CDH3: variants seen among roughly 807,000 people sequenced by gnomAD.
The protein encoded by CDH3 is cadherin 3.
CDH3 carries 54 observed loss-of-function variants against 82.0 expected under a neutral mutation model. That is an observed-to-expected ratio of 0.66 (90% CI 0.53 to 0.83). The LOEUF is 0.83. Among genes scored for constraint, CDH3 ranks in the 40% least tolerant of loss-of-function variants. The pLI is 0.00. For synonymous variants in CDH3, 446 were observed against 437.9 expected (o/e 1.02, Z -0.23); for missense variants, 1,054 against 1,084.6 (o/e 0.97, Z 0.40).
At chr16:68,731,035 AAAAAAAAAAAAAATATATATATATATAT>A (rs1298776042), downstream of CDH3, among the ~76,000 whole-genome samples, 1 of 30,980 alleles carries the variant, frequency 3.2e-5, no homozygotes, top group Non-Finnish European at 9.3e-5. Flanking sequence ...AAAAAAAAAA[AAAAAAAAAAAAAATATATATATATATAT>A]ATATATATAT....
Position 68,699,323 on chromosome 16 carries a change from A to C in CDH3, c.*923A>C, listed in dbSNP as rs890771241. 1 of 151,886 alleles carries C rather than the reference A, an allele frequency of 6.6e-6. No homozygotes were observed. The highest frequency in any genetic ancestry group is 1.5e-5 in the Non-Finnish European group (1 of 68,062). 9.4% of individuals were successfully genotyped at this position (151,886 alleles called of 1,614,324 possible). ...CATGAGAGAGAACCATTAACCTCTT[A>C]CCCCAAGGCTGAGCCCCTCCACAGC... On this transcript the variant is annotated 3_prime_UTR_variant, in exon 16 of 16. Transcript: ENST00000264012.
At chr16:68,728,360 T>A (rs571848725), downstream of CDH3, among the ~76,000 whole-genome samples, 236 of 152,064 alleles carry the variant, frequency 1.6e-3, no homozygotes, top group Non-Finnish European at 3.0e-3. Context: ...AGAGAAGGGG[T>A]TTCACCGTGT....
In CDH3 at chr16:68,723,717, G is replaced by A. The variant is rs796236134; in HGVS notation, c.*45+1101G>A. On this transcript the variant is annotated intron_variant, in intron 2 of 2. Coordinates refer to the CDH3 transcript ENST00000569080. ...AGGCCAAGGTGGGTGGATCACTTGA[G>A]TTTGAGACCAGCCTGGCCAACATAG... 8.1e-4 allele frequency among the ~76,000 whole-genome samples: 122 copies of A among 151,552 alleles called. 1 individual carries two copies. Among genetic ancestry groups the A allele is most frequent in the African/African-American group, 2.7e-3 (111 of 41,290 alleles).
At chr16:68,720,698 A>T in intron 1 of CDH3, among the ~76,000 whole-genome samples, 1 of 150,360 alleles carries the variant, frequency 6.7e-6, no homozygotes, top group Non-Finnish European at 1.5e-5. Context: ...TCACTGCAAC[A>T]TCTGCCTCCC....
chr16:68,681,271 G>A (rs1961222329), intron 8 of CDH3, among the ~76,000 whole-genome samples, 175 bp downstream of exon 8: 1 of 152,190 alleles, frequency 6.6e-6, no homozygotes, highest in Non-Finnish European at 1.5e-5. Flanking sequence ...TCTGTGAAAA[G>A]GAGATAATGA....
intron 2 of CDH3, among the ~76,000 whole-genome samples, chr16:68,659,619 G>C (rs1960504810): frequency 6.6e-6 from 1 of 151,096 alleles, no homozygotes; most frequent in South Asian, 2.1e-4. Context: ...GGGAGGCAGA[G>C]GTTGCAGTGA....
chr16:68,646,748 C>G (rs2862778), intron 2 of CDH3, among the ~76,000 whole-genome samples: 70,132 of 151,804 alleles, frequency 0.46, 17,923 homozygotes, highest in East Asian at 0.77. Flanking sequence ...TTTTTGGGAA[C>G]TTGAGTATTC....
At chr16:68,648,802 T>C (rs57419252) in intron 2 of CDH3, among the ~76,000 whole-genome samples, 5,398 of 151,784 alleles carry the variant, frequency 0.036, 307 homozygotes, top group African/African-American at 0.12. Flanking sequence ...GGGTAGAATG[T>C]TGGATCCCTG....
At chr16:68,695,423 C>G (rs752528545) in intron 14 of CDH3, 38 bp downstream of exon 14, 1 of 1,578,638 alleles carries the variant, frequency 6.3e-7, no homozygotes, top group South Asian at 1.1e-5. Context: ...GAGGTGGATG[C>G]CCCTAAGGCC....
chr16:68,692,059 C>G, intron 13 of CDH3, 133 bp downstream of exon 13: 1 of 666,816 alleles, frequency 1.5e-6, no homozygotes, highest in Non-Finnish European at 2.5e-6. Context: ...TTTTTTAAGA[C>G]AGGGTCTCAC....
chr16:68,651,956 G>A (rs550050570), intron 2 of CDH3: 16 of 332,130 alleles, frequency 4.8e-5, no homozygotes, highest in Non-Finnish European at 8.0e-5. Flanking sequence ...TGGAGAATAC[G>A]GCTGGCAGGT....
chr16:68,675,945 G>A (rs1961022759), intron 2 of CDH3, among the ~76,000 whole-genome samples: 1 of 152,196 alleles, frequency 6.6e-6, no homozygotes, highest in Non-Finnish European at 1.5e-5. Flanking sequence ...GGATTCAGAA[G>A]GAGCGAAATG....
chr16:68,731,471 TAC>T (rs1200115950), downstream of CDH3, among the ~76,000 whole-genome samples: 3 of 27,078 alleles, frequency 1.1e-4, no homozygotes, highest in Admixed American at 1.0e-3. Flanking sequence ...CATATATATA[TAC>T]ACACACACGT....
intron 2 of CDH3, among the ~76,000 whole-genome samples, chr16:68,661,816 G>C (rs532860614): frequency 6.6e-6 from 1 of 152,296 alleles, no homozygotes; most frequent in East Asian, 1.9e-4. Context: ...AGCCTCCCAA[G>C]TAGCTGGAAT....
At chr16:68,724,965 A>T (rs2152111662) in intron 2 of CDH3, among the ~76,000 whole-genome samples, 1 of 152,246 alleles carries the variant, frequency 6.6e-6, no homozygotes, top group East Asian at 1.9e-4. Context: ...TCCCAAGTAG[A>T]CAGAGTTCTG....
chr16:68,686,341 A>T, intron 11 of CDH3: 1 of 974,094 alleles, frequency 1.0e-6, no homozygotes. Context: ...TTGCGGCGCT[A>T]CACAAGAGCA....
At chr16:68,706,181 T>C (rs905646283) in intron 1 of CDH3, among the ~76,000 whole-genome samples, 10 of 151,874 alleles carry the variant, frequency 6.6e-5, no homozygotes, top group African/African-American at 2.4e-4. Context: ...AAGTAAAAGA[T>C]ACTCTATCTT....
chr16:68,655,839 G>A (rs1960397868), intron 2 of CDH3, among the ~76,000 whole-genome samples: 1 of 152,144 alleles, frequency 6.6e-6, no homozygotes. Flanking sequence ...CTCCAGCCTG[G>A]GCGACAGAGC....
intron 10 of CDH3, 103 bp downstream of exon 10, chr16:68,684,927 G>A: frequency 7.0e-7 from 1 of 1,434,418 alleles, no homozygotes; most frequent in Non-Finnish European, 9.8e-7. Flanking sequence ...TTGTTAAATA[G>A]GAATATCCCT....
Sources: allele counts gnomAD v4.1 joint callset (sites outside exome capture counted in the v4.1 genomes callset), GRCh38; gene constraint gnomAD v4.1.1; transcripts MANE v1.5; gene names NCBI Gene and HGNC (gene_info 2026-07-23, HGNC 2026-07-21).